HAVCR1: variants seen among roughly 807,000 people sequenced by gnomAD.
HAVCR1 encodes the protein T cell immunoglobin domain and mucin domain protein 1.
In HAVCR1, 34 loss-of-function variants were observed where a neutral mutation model predicts 32.0. The ratio of observed to expected loss-of-function variants is 1.06; its 90% CI spans 0.81 to 1.42. HAVCR1 has a LOEUF of 1.42. Ranked by LOEUF, HAVCR1 falls within the 40% of genes most tolerant of loss-of-function variation. HAVCR1 has a pLI of 0.00. For missense variants in HAVCR1, 420 were observed against 442.3 expected, an observed-to-expected ratio of 0.95 and a Z score of 0.45; for synonymous variants, 178 against 170.3, an observed-to-expected ratio of 1.05 and a Z score of -0.35.
intron 6 of HAVCR1, among the ~76,000 whole-genome samples, chr5:157,039,514 AAT>A (rs1255095133): frequency 2.0e-5 from 3 of 152,034 alleles, no homozygotes; most frequent in African/African-American, 7.2e-5. Flanking sequence ...ACACCCAGCT[AAT>A]TTTTCTATTT....
upstream of HAVCR1, among the ~76,000 whole-genome samples, chr5:157,061,188 A>G (rs1379750331): frequency 6.6e-6 from 1 of 152,142 alleles, no homozygotes; most frequent in South Asian, 2.1e-4. Flanking sequence ...GTGAGCCGCC[A>G]TGCCTGGCCT....
chr5:157,057,708 T>C (rs1756298390), intron 2 of HAVCR1, among the ~76,000 whole-genome samples, 190 bp downstream of exon 2: 1 of 152,232 alleles, frequency 6.6e-6, no homozygotes, highest in South Asian at 2.1e-4. Flanking sequence ...TTCACAGCAG[T>C]TAAGCAATTT....
At chr5:157,060,845 G>GCCA (rs367825435), upstream of HAVCR1, among the ~76,000 whole-genome samples, 22 of 152,248 alleles carry the variant, frequency 1.4e-4, no homozygotes, top group African/African-American at 5.3e-4. Context: ...GCAGCCACTA[G>GCCA]CCACATATGA....
At chr5:157,029,888 G>GA (rs1397811841) in intron 8 of HAVCR1, 47 bp from the exon 9 acceptor site, 1 of 1,545,154 alleles carries the variant, frequency 6.5e-7, no homozygotes, top group South Asian at 1.1e-5. Flanking sequence ...AAAAAAAGCA[G>GA]ACCACTTCTC....
At chr5:157,058,557 T>TC (rs1313749809) in intron 1 of HAVCR1, 1 of 151,958 alleles carries the variant, frequency 6.6e-6, no homozygotes, top group Non-Finnish European at 1.5e-5. Flanking sequence ...AGAGCAAGAC[T>TC]CCGTCTCAAA....
chr5:157,064,956 T>C, the HAVCR1 span, among the ~76,000 whole-genome samples: 70 of 152,332 alleles, frequency 4.6e-4, no homozygotes, highest in South Asian at 2.3e-3. Context: ...GAGTTTGACA[T>C]GTCTTAGACC....
At chr5:157,055,763 C>T (rs925810329) in intron 2 of HAVCR1, among the ~76,000 whole-genome samples, 14 of 151,740 alleles carry the variant, frequency 9.2e-5, no homozygotes, top group Middle Eastern at 3.4e-3. Flanking sequence ...ACTCAGGAGG[C>T]TAAGGCAGGG....
the HAVCR1 span, among the ~76,000 whole-genome samples, chr5:157,066,483 T>G: frequency 1.4e-5 from 2 of 140,378 alleles, no homozygotes; most frequent in South Asian, 2.3e-4. Flanking sequence ...CCAGCCTGAG[T>G]GACAGAGTGA....
chr5:157,047,222 T>A (rs1005361331), intron 5 of HAVCR1, among the ~76,000 whole-genome samples: 1 of 152,058 alleles, frequency 6.6e-6, no homozygotes, highest in Admixed American at 6.6e-5. Flanking sequence ...CCTGTGCCCC[T>A]GGGGGATGGA....
At chr5:157,057,380 GAGAGAGGAAA>G (rs1370917724) in intron 2 of HAVCR1, among the ~76,000 whole-genome samples, 107 of 139,276 alleles carry the variant, frequency 7.7e-4, no homozygotes, top group Admixed American at 7.4e-3. Flanking sequence ...GAGAGAGAGA[GAGAGAGGAAA>G]GAAAGAAAGA....
intron 6 of HAVCR1, among the ~76,000 whole-genome samples, chr5:157,039,304 T>C (rs1186887555): frequency 6.6e-6 from 1 of 152,230 alleles, no homozygotes; most frequent in Admixed American, 6.5e-5. Context: ...TTTCACTTAA[T>C]AATGTGTTAT....
chr5:157,048,256 T>C (rs1755525083), intron 5 of HAVCR1, among the ~76,000 whole-genome samples: 1 of 152,190 alleles, frequency 6.6e-6, no homozygotes. Flanking sequence ...CTGGATTTAA[T>C]TGTTTTAAGG....
intron 6 of HAVCR1, among the ~76,000 whole-genome samples, chr5:157,038,989 C>T (rs946840588): frequency 4.6e-5 from 7 of 152,068 alleles, no homozygotes; most frequent in Admixed American, 2.0e-4. Flanking sequence ...CGTGGTGATG[C>T]ATGCCTGTGG....
Position 157,049,033 on chromosome 5 carries a change from GTT to G in HAVCR1, c.781+3_781+4del. 6.6e-7 allele frequency: 1 copy of G among 1,503,762 alleles called. No homozygotes were observed. Among genetic ancestry groups the G allele is most frequent in the Non-Finnish European group, 9.3e-7 (1 of 1,079,386 alleles). 93.2% of individuals were successfully genotyped at this position (1,503,762 alleles called of 1,614,324 possible). ...CCAGGTCTTCAGGAAAGAGAACGCA[GTT>G]ACCTGTTGTGTAAGAGTACAATGGT... On this transcript the variant is annotated splice_donor_region_variant and intron_variant, in intron 5 of 8. Coordinates refer to ENST00000523175, the MANE Select transcript of HAVCR1 (RefSeq NM_001173393.3).
intron 3 of HAVCR1, among the ~76,000 whole-genome samples, chr5:157,054,846 G>T (rs1421333118): frequency 6.6e-6 from 1 of 152,158 alleles, no homozygotes; most frequent in African/African-American, 2.4e-5. Flanking sequence ...ATCTAGAGAT[G>T]ATTTAAAGCA....
At chr5:157,065,411 C>A in the HAVCR1 span, among the ~76,000 whole-genome samples, 1 of 152,202 alleles carries the variant, frequency 6.6e-6, no homozygotes, top group Non-Finnish European at 1.5e-5. Context: ...GTCCTGGGGC[C>A]TTCCAGCATC....
chr5:157,030,962 C>T (rs550364956), intron 8 of HAVCR1, among the ~76,000 whole-genome samples: 5 of 150,410 alleles, frequency 3.3e-5, no homozygotes, highest in South Asian at 2.1e-4. Context: ...ATATAACTGC[C>T]GAGAAGATAA....
At chr5:157,035,831 A>G (rs994183414) in intron 7 of HAVCR1, among the ~76,000 whole-genome samples, 1 of 152,202 alleles carries the variant, frequency 6.6e-6, no homozygotes, top group South Asian at 2.1e-4. Flanking sequence ...CAATAATAAT[A>G]CAGATAAAAA....
chr5:157,042,802 T>G, intron 5 of HAVCR1, 120 bp from the exon 6 acceptor site: 1 of 632,750 alleles, frequency 1.6e-6, no homozygotes, highest in South Asian at 2.1e-5. Context: ...TATGACCAAA[T>G]TCTGCAGGCA....
Sources: allele counts gnomAD v4.1 joint callset (sites outside exome capture counted in the v4.1 genomes callset), GRCh38; gene constraint gnomAD v4.1.1; transcripts MANE v1.5; gene names NCBI Gene and HGNC (gene_info 2026-07-23, HGNC 2026-07-21).